The following ANKRD36C variants were observed in gnomAD, a reference collection of about 807,000 sequenced individuals.
The protein encoded by ANKRD36C is ankyrin repeat domain 36C.
A neutral mutation model predicts 276.4 loss-of-function variants in ANKRD36C; 61 were observed. That is an observed-to-expected ratio of 0.22 (90% CI 0.18 to 0.27). The LOEUF is 0.27. ANKRD36C is among the 10% of genes least tolerant of loss of function. The pLI, the probability that ANKRD36C is intolerant of heterozygous loss-of-function variation, is 1.00. For missense variants in ANKRD36C, 1,447 were observed against 2,032.3 expected (o/e 0.71, Z 5.54); for synonymous variants, 483 against 680.1 (o/e 0.71, Z 4.51).
At chr2:95,927,319 G>T in intron 27 of ANKRD36C, 33 bp from the exon 28 acceptor site, 2 of 1,608,224 alleles carry the variant, frequency 1.2e-6, no homozygotes, top group Non-Finnish European at 1.7e-6. Flanking sequence ...TAATCAATAC[G>T]TAAAGTAGGT....
At chr2:95,968,493 C>T (rs1678637977) in intron 6 of ANKRD36C, among the ~76,000 whole-genome samples, 1 of 152,124 alleles carries the variant, frequency 6.6e-6, no homozygotes. Context: ...GAACCAGGTG[C>T]AGCTAGAACA....
chr2:95,932,684 A>T (rs1256165357), intron 24 of ANKRD36C, among the ~76,000 whole-genome samples: 25 of 150,322 alleles, frequency 1.7e-4, no homozygotes, highest in Admixed American at 8.2e-4. Flanking sequence ...TCTACCAAAG[A>T]GTCAGGAAAG....
chr2:95,921,859 C>T (rs1485338713), intron 32 of ANKRD36C, 49 bp from the exon 33 acceptor site: 2 of 1,551,956 alleles, frequency 1.3e-6, no homozygotes, highest in Non-Finnish European at 1.7e-6. Context: ...GATACATTTT[C>T]CATACATTCA....
chr2:95,892,888 A>G (rs1351656877), intron 44 of ANKRD36C, among the ~76,000 whole-genome samples: 4 of 151,204 alleles, frequency 2.6e-5, no homozygotes, highest in Admixed American at 2.0e-4. Context: ...AAGAGGAGTA[A>G]TGAGTCAGTG....
exon 63 of ANKRD36C, chr2:95,855,404 A>T: frequency 6.2e-7 from 1 of 1,613,554 alleles, no homozygotes; most frequent in South Asian, 1.1e-5. Context: ...CTACTCTAGC[A>T]TCACATCTGG....
chr2:95,878,409 G>C (rs1348629401), intron 58 of ANKRD36C, among the ~76,000 whole-genome samples: 3 of 151,954 alleles, frequency 2.0e-5, no homozygotes, highest in Non-Finnish European at 2.9e-5. Context: ...ACACTTTCAT[G>C]GAACTGTGAT....
chr2:95,880,304 T>C, intron 58 of ANKRD36C, 123 bp downstream of exon 78: 1 of 1,101,166 alleles, frequency 9.1e-7, no homozygotes, highest in Non-Finnish European at 1.3e-6. Flanking sequence ...ACAGCTGCAT[T>C]ATTTAGATGA....
chr2:95,981,673 C>A (rs974805227), intron 4 of ANKRD36C, among the ~76,000 whole-genome samples: 1 of 151,382 alleles, frequency 6.6e-6, no homozygotes, highest in Non-Finnish European at 1.5e-5. Flanking sequence ...TTATTACCCT[C>A]CTTTTCACAG....
chr2:95,884,024 G>A (rs62153677), intron 54 of ANKRD36C, 149 bp downstream of exon 74: 6 of 898,542 alleles, frequency 6.7e-6, no homozygotes, highest in South Asian at 1.6e-5. Flanking sequence ...CAGCATCAGC[G>A]TCACCCGAGA....
chr2:95,879,566 CAT>C (rs1396939360), intron 58 of ANKRD36C, among the ~76,000 whole-genome samples: 1 of 151,968 alleles, frequency 6.6e-6, no homozygotes, highest in East Asian at 1.9e-4. Context: ...ACTCCATAAA[CAT>C]AAACACCTAC....
exon 27 of ANKRD36C, chr2:95,927,392 G>A (rs1044108133): frequency 1.8e-5 from 29 of 1,605,928 alleles, no homozygotes; most frequent in Non-Finnish European, 2.2e-5. Flanking sequence ...TTCTCAGCTG[G>A]TTGTTTCTGA....
chr2:95,875,141 A>T (rs1665052366), intron 59 of ANKRD36C, among the ~76,000 whole-genome samples: 1 of 152,186 alleles, frequency 6.6e-6, no homozygotes. Context: ...AGGGATCCAG[A>T]ACTAGAAATA....
intron 12 of ANKRD36C, among the ~76,000 whole-genome samples, chr2:95,957,380 C>T (rs1252110172): frequency 2.0e-5 from 3 of 152,276 alleles, no homozygotes; most frequent in Admixed American, 6.5e-5. Flanking sequence ...GACAATTACA[C>T]TTTAGATGAA....
chr2:95,961,695 A>C (rs1200871638), intron 8 of ANKRD36C, among the ~76,000 whole-genome samples: 1 of 152,034 alleles, frequency 6.6e-6, no homozygotes, highest in Non-Finnish European at 1.5e-5. Context: ...AGTTACAAAG[A>C]GGGGTAATGT....
chr2:95,929,186 G>T, intron 25 of ANKRD36C, 42 bp from the exon 26 acceptor site: 1 of 1,597,882 alleles, frequency 6.3e-7, no homozygotes, highest in Non-Finnish European at 8.5e-7. Context: ...TGTAAAGTAG[G>T]TTTCATAGAC....
chr2:95,869,552 C>T (rs1675754935), intron 59 of ANKRD36C, among the ~76,000 whole-genome samples: 1 of 152,226 alleles, frequency 6.6e-6, no homozygotes, highest in Non-Finnish European at 1.5e-5. Context: ...TGAATAGGAA[C>T]AGCTCCAGTC....
chr2:95,927,343 C>G, intron 27 of ANKRD36C, 38 bp downstream of exon 27: 1 of 1,607,318 alleles, frequency 6.2e-7, no homozygotes, highest in Non-Finnish European at 8.5e-7. Context: ...ATAGACTATA[C>G]AGTTAATAGT....
intron 54 of ANKRD36C, among the ~76,000 whole-genome samples, 171 bp downstream of exon 74, chr2:95,884,002 G>A (rs1676143497): frequency 6.6e-6 from 1 of 151,936 alleles, no homozygotes; most frequent in Non-Finnish European, 1.5e-5. Context: ...CGAAGATCAC[G>A]TCCAAGACCA....
chr2:95,912,546 G>A (rs1321292831), intron 40 of ANKRD36C, 111 bp from the exon 43 acceptor site: 1 of 1,559,190 alleles, frequency 6.4e-7, no homozygotes, highest in East Asian at 2.4e-5. Context: ...ATTAGTGGAG[G>A]CTTTGATGGC....
Sources: gnomAD v4.1 joint callset for allele counts (sites outside exome capture counted in the v4.1 genomes callset) on GRCh38, gnomAD v4.1.1 for gene constraint, MANE v1.5 for transcripts, NCBI Gene and HGNC (gene_info 2026-07-23, HGNC 2026-07-21) for gene names.